CSMD2: variants seen among roughly 807,000 people sequenced by gnomAD.
The protein encoded by CSMD2 is CUB and Sushi multiple domains 2.
CSMD2 carries 130 observed loss-of-function variants against 398.5 expected under a neutral mutation model. The ratio of observed to expected loss-of-function variants is 0.33; its 90% CI spans 0.28 to 0.38. The LOEUF is 0.38. Ranked by LOEUF, CSMD2 falls within the 10% of genes least tolerant of loss-of-function variation. The pLI, the probability that CSMD2 is intolerant of heterozygous loss-of-function variation, is 1.00. For missense variants in CSMD2, 3,829 were observed against 4,764.9 expected (o/e 0.80, Z 5.78); for synonymous variants, 1,828 against 1,908.5 (o/e 0.96, Z 1.10).
rs772037619 is a variant in CSMD2 at position 33,724,671 on chromosome 1, G to A, written c.2729C>T (p.Pro910Leu). The change falls in exon 18 of 71, where the codon CCA (proline) becomes CTA (leucine). Residue 910 changes from proline to leucine, a missense_variant. Pro to Leu is a moderately conservative substitution (Grantham distance 98). Around this residue, in one of 5 missense-constraint regions of CSMD2, gnomAD observed 2,001 missense variants for 2,567.1 expected, o/e 0.78. Transcript: ENST00000373381. ...ACGCTGTCCATTTACTGGGATTCCTGGATCCAGACAGTGGTCTGACTGCAG... is the reference window on the plus strand; with the variant it reads ...ACGCTGTCCATTTACTGGGATTCCTAGATCCAGACAGTGGTCTGACTGCAG... Reference protein sequence around the residue: ...ITLQSDHCLDPGIPVNGQRHG... With the variant: ...ITLQSDHCLDLGIPVNGQRHG... 6.2e-7 allele frequency: 1 copy of A among 1,614,148 alleles called. No homozygotes were observed. Among genetic ancestry groups the A allele is most frequent in the Non-Finnish European group, 8.5e-7 (1 of 1,180,020 alleles).
chr1:34,165,729 C>T (rs1641829749), upstream of CSMD2: 1 of 1,613,458 alleles, frequency 6.2e-7, no homozygotes. Flanking sequence ...GACGCGTTCC[C>T]CAAGTCTTGG....
At chr1:33,562,607 A>G (rs1035908332) in intron 53 of CSMD2, among the ~76,000 whole-genome samples, 2 of 152,232 alleles carry the variant, frequency 1.3e-5, no homozygotes, top group African/African-American at 4.8e-5. Context: ...TTCACGTGTC[A>G]GCTTGGTTAG....
rs1179374377 is a variant in CSMD2, at chr1:34,164,435, G to T, written c.187+476C>A. ...GGAGAAAATGGGCGGGGGCAGGGAA[G>T]GGCAGACCTTGCAGACGCAGAAATG... On this transcript the variant is annotated intron_variant, in intron 1 of 70. Transcript: ENST00000373381. This position sits in a 1 kb window ranked among gnomAD's most constrained non-coding sequence, Gnocchi z 6.2. Among the ~76,000 whole-genome samples the T allele has an allele frequency of 6.6e-6, 1 of 152,090 alleles. No individual in the cohort carries two copies. Among genetic ancestry groups the T allele is most frequent in the African/African-American group, 2.4e-5 (1 of 41,434 alleles).
upstream of CSMD2, chr1:34,165,319 G>T (rs1571322092): frequency 8.3e-7 from 1 of 1,199,142 alleles, no homozygotes; most frequent in East Asian, 3.6e-5. Flanking sequence ...TCGCGCCGGG[G>T]GGCGGGAGGG....
intron 25 of CSMD2, among the ~76,000 whole-genome samples, chr1:33,690,695 C>G (rs374375195): frequency 6.6e-6 from 1 of 152,168 alleles, no homozygotes; most frequent in African/African-American, 2.4e-5. Flanking sequence ...CACTAGTCAC[C>G]GAGGAACTAT....
intron 15 of CSMD2, among the ~76,000 whole-genome samples, chr1:33,738,516 GA>G (rs1646952835): frequency 6.6e-6 from 1 of 152,188 alleles, no homozygotes; most frequent in South Asian, 2.1e-4. Context: ...TGGTGGAACA[GA>G]TGGCTGGTCT....
chr1:33,602,701 C>T (rs1209498126), intron 42 of CSMD2, among the ~76,000 whole-genome samples, 155 bp from the exon 43 acceptor site: 9 of 152,320 alleles, frequency 5.9e-5, no homozygotes, highest in Non-Finnish European at 1.5e-5. Context: ...AGGATGGCTG[C>T]ACCTGGTTCT....
chr1:34,081,546 G>A (rs1271612758), intron 2 of CSMD2, among the ~76,000 whole-genome samples: 1 of 152,172 alleles, frequency 6.6e-6, no homozygotes, highest in East Asian at 1.9e-4. Flanking sequence ...GGCCTGCCGA[G>A]TGCCTGGGAT....
intron 56 of CSMD2, 94 bp from the exon 57 acceptor site, chr1:33,546,313 G>A (rs1029276548): frequency 3.9e-6 from 5 of 1,270,972 alleles, no homozygotes; most frequent in Admixed American, 2.4e-5. Context: ...GGACTAAGGG[G>A]ATGCAGTGGG....
In CSMD2 at chr1:33,984,865, AGGC is replaced by A. The variant is rs374329389; in HGVS notation, c.517+47726_517+47728del. Among the ~76,000 whole-genome samples, 187 of 118,462 alleles carry A rather than the reference AGGC, an allele frequency of 1.6e-3. No homozygotes were observed. The East Asian group carries it at 0.018, about 12-fold the overall frequency. The allele number at this position is 118,462 out of a possible 152,430, so 77.7% of individuals were successfully genotyped here. ...AAGGAAGGAAGGAAGGAAGGAAGGC[AGGC>A]AGGCAGGCAGGCAGGCAGGAAGGAA... On this transcript the variant is annotated intron_variant, in intron 3 of 70. Coordinates refer to ENST00000373381, the MANE Select transcript of CSMD2 (RefSeq NM_001281956.2).
intron 1 of CSMD2, among the ~76,000 whole-genome samples, chr1:34,103,065 T>A (rs1660141441): frequency 6.6e-6 from 1 of 152,128 alleles, no homozygotes; most frequent in African/African-American, 2.4e-5. Flanking sequence ...AAATGAATAT[T>A]AATTGCCCAC....
chr1:33,740,373 T>G (rs979554552), intron 14 of CSMD2, among the ~76,000 whole-genome samples: 17 of 152,052 alleles, frequency 1.1e-4, no homozygotes, highest in African/African-American at 3.9e-4. Context: ...GAGACCAGGA[T>G]CCATGGCTGC....
chr1:33,887,853 C>T (rs1423848077), intron 5 of CSMD2, among the ~76,000 whole-genome samples: 4 of 151,936 alleles, frequency 2.6e-5, no homozygotes, highest in African/African-American at 4.8e-5. Flanking sequence ...ATTGTCTAAT[C>T]TAGAAAATCT....
chr1:33,747,994 G>A (rs898684137), intron 13 of CSMD2, among the ~76,000 whole-genome samples: 1 of 152,136 alleles, frequency 6.6e-6, no homozygotes, highest in Non-Finnish European at 1.5e-5. Flanking sequence ...ACTCTTGGAT[G>A]ATCCTTTTCT....
intron 57 of CSMD2, 64 bp downstream of exon 57, chr1:33,545,973 G>C (rs1656842203): frequency 6.0e-6 from 9 of 1,498,778 alleles, no homozygotes; most frequent in Non-Finnish European, 8.2e-6. Flanking sequence ...GGGAATAAGA[G>C]CAGGAGCAGG....
At chr1:34,061,550 C>G (rs1177442243) in intron 2 of CSMD2, among the ~76,000 whole-genome samples, 1 of 152,178 alleles carries the variant, frequency 6.6e-6, no homozygotes, top group Non-Finnish European at 1.5e-5. Flanking sequence ...GCTCAAATCC[C>G]AGCACCACCA....
chr1:34,072,990 C>A (rs1225176209), intron 2 of CSMD2, among the ~76,000 whole-genome samples: 2 of 152,138 alleles, frequency 1.3e-5, no homozygotes, highest in African/African-American at 2.4e-5. Context: ...CAAGCAGATA[C>A]CAGGGTCCCA....
intron 6 of CSMD2, among the ~76,000 whole-genome samples, chr1:33,846,273 A>G (rs972833901): frequency 5.3e-5 from 8 of 152,242 alleles, no homozygotes; most frequent in African/African-American, 1.9e-4. Flanking sequence ...TCCACCTGCC[A>G]TTCCTGGTCT....
In CSMD2 at chr1:33,583,666, A is replaced by T. The variant is rs747461173; in HGVS notation, c.7216T>A (p.Tyr2406Asn). 1 of 1,613,954 alleles carries T rather than the reference A, an allele frequency of 6.2e-7. No homozygotes were observed. Among genetic ancestry groups the T allele is most frequent in the South Asian group, 1.1e-5 (1 of 91,060 alleles). ...TVEYFLSEKQ[Y>N]DEFEIFDGPS... ...CCATCAAAAATCTCAAACTCATCAT[A>T]TTGCTTCTCGCTGAGGAAGTACTCC... Residue 2406 changes from tyrosine (Y) to asparagine (N), a missense_variant, in exon 47 of 71, where the codon TAT (tyrosine) becomes AAT (asparagine). Tyr to Asn is a moderately radical substitution (Grantham distance 143). This residue lies in a region of CSMD2 where 723 missense variants were observed against 758.6 expected (regional missense o/e 0.95). Coordinates refer to ENST00000373381, the MANE Select transcript of CSMD2 (RefSeq NM_001281956.2).
Sources: allele counts gnomAD v4.1 joint callset (sites outside exome capture counted in the v4.1 genomes callset), GRCh38; gene constraint gnomAD v4.1.1; regional missense constraint gnomAD v4.1.1; non-coding constraint Gnocchi (gnomAD v3.1); transcripts MANE v1.5; gene names NCBI Gene and HGNC (gene_info 2026-07-23, HGNC 2026-07-21).